The following CD96 variants were observed in gnomAD, a reference collection of about 807,000 sequenced individuals.
CD96 encodes the protein T-cell surface protein tactile.
CD96 carries 70 observed loss-of-function variants against 71.3 expected under a neutral mutation model. That is an observed-to-expected ratio of 0.98 (90% CI 0.81 to 1.20). CD96 has a LOEUF of 1.20. Ranked by LOEUF, CD96 falls within the 50% of genes most tolerant of loss-of-function variation. The probability of loss-of-function intolerance (pLI) is 0.00; values close to 1 mark genes in which losing one functional copy is unlikely to be tolerated. For missense variants in CD96, 742 were observed against 677.5 expected, an observed-to-expected ratio of 1.10 and a Z score of -1.06; for synonymous variants, 248 against 233.0, an observed-to-expected ratio of 1.06 and a Z score of -0.59.
At chr3:111,558,936 G>A (rs920837476) in intron 2 of CD96, among the ~76,000 whole-genome samples, 1 of 152,128 alleles carries the variant, frequency 6.6e-6, no homozygotes, top group Non-Finnish European at 1.5e-5. Flanking sequence ...TTAGTCTTGG[G>A]AGAGTGTATG....
chr3:111,634,962 A>T (rs1939253395), intron 10 of CD96: 1 of 153,064 alleles, frequency 6.5e-6, no homozygotes, highest in African/African-American at 2.4e-5. Flanking sequence ...TTAAAAGGGC[A>T]TACAAATTAG....
intron 12 of CD96, among the ~76,000 whole-genome samples, chr3:111,640,259 A>G (rs1007319651): frequency 6.6e-6 from 1 of 152,208 alleles, no homozygotes; most frequent in Non-Finnish European, 1.5e-5. Context: ...GAAGGGAGAA[A>G]TATTCATGGA....
chr3:111,545,093 C>T lies in CD96; in HGVS notation c.109C>T (p.Leu37Phe). 1 of 1,614,182 alleles carries T rather than the reference C, an allele frequency of 6.2e-7. No homozygotes were observed. The highest frequency in any genetic ancestry group is 8.5e-7 in the Non-Finnish European group (1 of 1,180,040). The stretch of plus-strand genomic sequence containing the variant: ...CACAGAAGAAAATGTTTATGCTACA[C>T]TTGGCTCTGATGTCAACCTGACCTG... Reference protein sequence around the residue: ...VNTEENVYATLGSDVNLTCQT... With the variant: ...VNTEENVYATFGSDVNLTCQT... Residue 37 changes from leucine to phenylalanine, a missense_variant, in exon 2 of 14, where the codon CTT becomes TTT. Physicochemically the swap from Leu to Phe is conservative, Grantham distance 22. Transcript: ENST00000352690.
chr3:111,632,928 A>T (rs967524454), intron 10 of CD96, among the ~76,000 whole-genome samples: 4 of 152,188 alleles, frequency 2.6e-5, no homozygotes, highest in Non-Finnish European at 5.9e-5. Flanking sequence ...GTTATCATTT[A>T]TGTGTTCACT....
intron 2 of CD96, among the ~76,000 whole-genome samples, chr3:111,557,502 G>C (rs1394813961): frequency 5.6e-5 from 7 of 125,000 alleles, no homozygotes; most frequent in African/African-American, 1.9e-4. Flanking sequence ...GTTTGTCAAA[G>C]ATCAGATAGT....
rs569589964 is a variant in CD96, at chr3:111,593,523, G to A, written c.808-4597G>A. 22 of 1,509,686 alleles carry A rather than the reference G, an allele frequency of 1.5e-5. No homozygotes were observed. In the Middle Eastern group the frequency reaches 5.4e-4, roughly 37 times the overall value. 93.5% of individuals were successfully genotyped at this position (1,509,686 alleles called of 1,614,324 possible). On this transcript the variant is annotated intron_variant, in intron 5 of 13. Coordinates refer to ENST00000352690, the MANE Select transcript of CD96 (RefSeq NM_005816.5). ...TACAAGTCTAGAGTCAATGTTTTCA[G>A]AATAGATTCTCCAAGCCCAATTTAA... is the stretch of plus-strand genomic sequence containing the variant.
chr3:111,561,903 G>A (rs1333998207), intron 2 of CD96, among the ~76,000 whole-genome samples: 6 of 148,676 alleles, frequency 4.0e-5, no homozygotes, highest in African/African-American at 1.3e-4. Context: ...GTGGGATATA[G>A]TCTCGTGGTG....
Position 111,598,104 on chromosome 3 carries a change from T to C in CD96, c.808-16T>C. The C allele has an allele frequency of 2.7e-6, 3 of 1,125,222 alleles. No individual in the cohort carries two copies. The highest frequency in any genetic ancestry group is 4.1e-6 in the Non-Finnish European group (3 of 734,584). The allele number at this position is 1,125,222 out of a possible 1,614,324, so 69.7% of individuals were successfully genotyped here. On this transcript the variant is annotated splice_polypyrimidine_tract_variant and intron_variant, in intron 5 of 13. Transcript: ENST00000352690. Reference sequence around the variant, plus strand: ...TTAGGAATTTGCAAATAATCCTTTTTCTGTCTTTACCCCAGAGAAGATTTA... The same window carrying C: ...TTAGGAATTTGCAAATAATCCTTTTCCTGTCTTTACCCCAGAGAAGATTTA...
At chr3:111,549,857 C>G (rs1470074310) in intron 2 of CD96, among the ~76,000 whole-genome samples, 2 of 152,152 alleles carry the variant, frequency 1.3e-5, no homozygotes, top group Non-Finnish European at 2.9e-5. Context: ...GAAGTTGTGA[C>G]ATACAGAAGA....
At chr3:111,579,405 G>A (rs773913394) in intron 4 of CD96, 171 bp downstream of exon 4, 3 of 684,810 alleles carry the variant, frequency 4.4e-6, no homozygotes, top group Non-Finnish European at 8.2e-6. Context: ...ATGAGGGTAG[G>A]ATGCTAAAGA....
chr3:111,647,747 A>G (rs980509131), intron 13 of CD96, 81 bp downstream of exon 13: 7 of 1,041,300 alleles, frequency 6.7e-6, no homozygotes, highest in African/African-American at 4.8e-5. Context: ...TTATTACTCT[A>G]TGAAGTTCCT....
At chr3:111,659,052 C>T (rs542197552) in intron 14 of CD96, among the ~76,000 whole-genome samples, 7 of 152,168 alleles carry the variant, frequency 4.6e-5, no homozygotes, top group African/African-American at 1.7e-4. Context: ...GTTACTAATT[C>T]AATTTCAGAA....
At position 111,583,462 on chromosome 3, in the gene CD96, T is replaced by TA. The variant is rs1164482822; in HGVS notation, c.752-1860dup. ...ACAGCTCCACTAGTCAGTGCCCCAT[T>TA]AGGGACTCTGTGTGGGGGCTCCAAC... On this transcript the variant is annotated intron_variant, in intron 4 of 13. Coordinates refer to ENST00000352690, the MANE Select transcript of CD96 (RefSeq NM_005816.5). Among the ~76,000 whole-genome samples, 3 of 152,308 alleles carry TA rather than the reference T, an allele frequency of 2.0e-5. No homozygotes were observed. In the East Asian group the frequency reaches 5.8e-4, roughly 29 times the overall value.
In CD96 at chr3:111,567,614, A is replaced by T. The variant is rs1935780493; in HGVS notation, c.510A>T (p.Lys170Asn). ...EIPCFQNSSS[K>N]ISSEFTYAWS... ...CATGCTTTCAAAATAGCTCCTCAAA[A>T]ATTTCATCTGAGTTCACCTATGCAT... Residue 170 changes from lysine (K) to asparagine (N), a missense_variant, in exon 3 of 14, where the codon AAA becomes AAT. Coordinates refer to ENST00000352690, the MANE Select transcript of CD96 (RefSeq NM_005816.5). 2 of 1,613,154 alleles carry T rather than the reference A, an allele frequency of 1.2e-6. No individual in the cohort carries two copies. Among genetic ancestry groups the T allele is most frequent in the Admixed American group, 3.3e-5 (2 of 60,004 alleles).
intron 14 of CD96, among the ~76,000 whole-genome samples, chr3:111,662,022 G>A (rs774725685): frequency 9.9e-5 from 15 of 152,198 alleles, no homozygotes; most frequent in African/African-American, 2.9e-4. Flanking sequence ...AGGCATTTTC[G>A]TACATTCTTT....
At chr3:111,644,029 A>C (rs1020466438) in intron 12 of CD96, among the ~76,000 whole-genome samples, 6 of 152,296 alleles carry the variant, frequency 3.9e-5, no homozygotes, top group Admixed American at 6.5e-5. Flanking sequence ...ACATAACCAA[A>C]GCAAGACTAA....
At chr3:111,646,135 C>T (rs939222920) in intron 12 of CD96, among the ~76,000 whole-genome samples, 1 of 151,984 alleles carries the variant, frequency 6.6e-6, no homozygotes, top group African/African-American at 2.4e-5. Flanking sequence ...TCCATGTAAT[C>T]GAAATACCTA....
intron 10 of CD96, among the ~76,000 whole-genome samples, chr3:111,629,717 C>A (rs1369768430): frequency 6.6e-6 from 1 of 152,170 alleles, no homozygotes; most frequent in Non-Finnish European, 1.5e-5. Flanking sequence ...TATATACATT[C>A]TTCTCATCAC....
rs577858824 is a variant in CD96, at chr3:111,591,596, T to C, written c.807+6218T>C. ...ATAATTAGGTATTACAGCCTCCTTT[T>C]TTTTCCTAGCATCTTTTGCAACATA... On this transcript the variant is annotated intron_variant, in intron 5 of 13. Transcript: ENST00000352690. Among the ~76,000 whole-genome samples, 68 of 152,284 alleles carry C rather than the reference T, an allele frequency of 4.5e-4. 1 individual carries two copies. The highest frequency in any genetic ancestry group is 3.9e-4 in the Admixed American group (6 of 15,288).
Sources: gnomAD v4.1 joint callset for allele counts (sites outside exome capture counted in the v4.1 genomes callset) on GRCh38, gnomAD v4.1.1 for gene constraint, MANE v1.5 for transcripts, NCBI Gene and HGNC (gene_info 2026-07-23, HGNC 2026-07-21) for gene names.